Variants in CCDC30 observed in about 807,000 individuals in gnomAD.
CCDC30 encodes the protein coiled-coil domain containing 30, also known as coiled-coil domain-containing protein 30.
A neutral mutation model predicts 100.2 loss-of-function variants in CCDC30; 70 were observed. That is an observed-to-expected ratio of 0.70 (90% CI 0.58 to 0.85). CCDC30 has a LOEUF of 0.85. Among genes scored for constraint, CCDC30 ranks in the 40% least tolerant of loss-of-function variants. The pLI is 0.00. For synonymous variants in CCDC30, 233 were observed against 269.5 expected (o/e 0.86, Z 1.33); for missense variants, 652 against 771.2 (o/e 0.85, Z 1.83).
intron 7 of CCDC30, among the ~76,000 whole-genome samples, chr1:42,574,236 G>C (rs1645789530): frequency 6.6e-6 from 1 of 151,902 alleles, no homozygotes. Flanking sequence ...AAAGCCTTCT[G>C]ATTTTGCTTT....
upstream of CCDC30, among the ~76,000 whole-genome samples, chr1:42,461,570 G>A (rs969697756): frequency 1.2e-4 from 18 of 146,912 alleles, 1 homozygote; most frequent in Non-Finnish European, 1.5e-4. Context: ...TTTTTTGAGC[G>A]GAGTCTTGCT....
intron 9 of CCDC30, among the ~76,000 whole-genome samples, chr1:42,586,991 C>T (rs961451122): frequency 6.6e-6 from 1 of 151,862 alleles, no homozygotes; most frequent in Non-Finnish European, 1.5e-5. Context: ...TTTTGACTTC[C>T]GAATTTGCTT....
chr1:42,475,446 C>G (rs1643872198), intron 1 of CCDC30, among the ~76,000 whole-genome samples: 1 of 151,964 alleles, frequency 6.6e-6, no homozygotes, highest in South Asian at 2.1e-4. Context: ...GGAAAATGAA[C>G]AGCTTAGACA....
At chr1:42,529,963 T>A (rs1644781742) in intron 6 of CCDC30, among the ~76,000 whole-genome samples, 1 of 152,252 alleles carries the variant, frequency 6.6e-6, no homozygotes, top group South Asian at 2.1e-4. Flanking sequence ...TGAACCATTC[T>A]GAGTACCATG....
chr1:42,577,229 G>C, exon 8 of CCDC30: 2 of 1,592,572 alleles, frequency 1.3e-6, no homozygotes, highest in Non-Finnish European at 1.7e-6. Flanking sequence ...CAGAGGAAAA[G>C]GTAATTATCC....
At chr1:42,566,300 C>T (rs756554096) in exon 7 of CCDC30, 1 of 1,611,678 alleles carries the variant, frequency 6.2e-7, no homozygotes, top group Admixed American at 1.7e-5. Context: ...CTTTAGCATC[C>T]ATCATCTGGA....
chr1:42,646,318 G>A lies in CCDC30; in HGVS notation c.1854+1G>A, dbSNP rs958184835. 4 of 1,489,194 alleles carry A rather than the reference G, an allele frequency of 2.7e-6. No homozygotes were observed. The highest frequency in any genetic ancestry group is 3.6e-6 in the Non-Finnish European group (4 of 1,117,268). 92.2% of individuals were successfully genotyped at this position (1,489,194 alleles called of 1,614,324 possible). On this transcript the variant is annotated splice_donor_variant, in intron 15 of 16. Coordinates refer to ENST00000668663, the Ensembl canonical transcript of CCDC30. LOFTEE classifies it high-confidence loss of function. ...GAAGTGGAAACACTCTGAGCAGATG[G>A]TAGGAGAATCCAACTTCCACATCCA...
chr1:42,497,686 T>C (rs1032927502), intron 5 of CCDC30, among the ~76,000 whole-genome samples: 4 of 152,220 alleles, frequency 2.6e-5, no homozygotes, highest in African/African-American at 9.6e-5. Context: ...ATATCTAATA[T>C]CTAAGAAAAT....
chr1:42,589,537 C>T, intron 10 of CCDC30, 54 bp downstream of exon 14: 1 of 1,489,030 alleles, frequency 6.7e-7, no homozygotes, highest in South Asian at 1.1e-5. Context: ...TTAGTAACAG[C>T]TAATTATTAT....
At chr1:42,544,478 A>G (rs568277387) in intron 6 of CCDC30, among the ~76,000 whole-genome samples, 1 of 152,310 alleles carries the variant, frequency 6.6e-6, no homozygotes, top group African/African-American at 2.4e-5. Context: ...GGTAGGGGCT[A>G]CAATATAAGA....
intron 10 of CCDC30, chr1:42,595,272 C>G (rs537610529): frequency 1.3e-5 from 2 of 152,202 alleles, no homozygotes; most frequent in East Asian, 3.9e-4. Context: ...CCAGGCCAGG[C>G]GTGGTGGCTC....
At chr1:42,518,612 G>A (rs1485264307) in intron 6 of CCDC30, among the ~76,000 whole-genome samples, 1 of 152,188 alleles carries the variant, frequency 6.6e-6, no homozygotes, top group African/African-American at 2.4e-5. Context: ...ATATAGCCTA[G>A]GTGTGTAATA....
chr1:42,542,539 CTTTTTTTTT>C lies in CCDC30; in HGVS notation c.457-23743_457-23735del, dbSNP rs58751072. Reference sequence around the variant, plus strand: ...CACACCTGGCTAATTTTAAATTTTTCTTTTTTTTTTTTTTTTTTTTTTGAGACGGAGTCT... The same window carrying C: ...CACACCTGGCTAATTTTAAATTTTTCTTTTTTTTTTTTTGAGACGGAGTCT... On this transcript the variant is annotated intron_variant, in intron 6 of 16. Coordinates refer to ENST00000668663, the Ensembl canonical transcript of CCDC30. Among the ~76,000 whole-genome samples, 11 of 75,576 alleles carry C rather than the reference CTTTTTTTTT, an allele frequency of 1.5e-4. 2 individuals are homozygous for C. Among genetic ancestry groups the C allele is most frequent in the Middle Eastern group, 0.012 (1 of 86 alleles). 49.6% of individuals were successfully genotyped at this position (75,576 alleles called of 152,430 possible).
At chr1:42,638,732 C>T (rs542540799) in intron 12 of CCDC30, among the ~76,000 whole-genome samples, 2 of 151,972 alleles carry the variant, frequency 1.3e-5, no homozygotes, top group East Asian at 1.9e-4. Context: ...AAAAATTAGC[C>T]GAGCATGGTG....
At chr1:42,632,301 C>G (rs1204453586) in intron 11 of CCDC30, among the ~76,000 whole-genome samples, 3 of 152,070 alleles carry the variant, frequency 2.0e-5, no homozygotes, top group Non-Finnish European at 2.9e-5. Flanking sequence ...CTGACCAGTG[C>G]CCTATCCTGC....
chr1:42,637,143 C>A, intron 11 of CCDC30, 94 bp from the exon 16 acceptor site: 1 of 980,338 alleles, frequency 1.0e-6, no homozygotes, highest in Non-Finnish European at 1.5e-6. Flanking sequence ...CTGACTTAAG[C>A]AAGAAGAGGA....
intron 16 of CCDC30, 36 bp downstream of exon 20, chr1:42,653,479 C>T: frequency 7.7e-7 from 1 of 1,304,156 alleles, no homozygotes; most frequent in African/African-American, 1.5e-5. Context: ...TCAAGTCTAT[C>T]TGAGATGGAC....
At chr1:42,513,632 A>G (rs1011193999) in intron 6 of CCDC30, among the ~76,000 whole-genome samples, 5 of 152,206 alleles carry the variant, frequency 3.3e-5, no homozygotes, top group Non-Finnish European at 7.3e-5. Context: ...GTTAGAAAAG[A>G]AAATGATTTT....
At chr1:42,606,944 C>T (rs1042692594) in intron 10 of CCDC30, among the ~76,000 whole-genome samples, 9 of 152,154 alleles carry the variant, frequency 5.9e-5, no homozygotes, top group African/African-American at 2.2e-4. Context: ...GCGTAAAAAC[C>T]ATGCACTTTT....
Sources: allele counts gnomAD v4.1 joint callset (sites outside exome capture counted in the v4.1 genomes callset), GRCh38; gene constraint gnomAD v4.1.1; transcripts MANE v1.5; gene names NCBI Gene and HGNC (gene_info 2026-07-23, HGNC 2026-07-21).